Variants in NID2 observed in about 807,000 individuals in gnomAD.
NID2 encodes the protein nidogen 2, also known as nidogen-2.
Under a neutral mutation model 145.4 loss-of-function variants are expected in NID2, and 83 were observed. The observed-to-expected ratio is 0.57, with a 90% confidence interval of 0.48 to 0.69. NID2 has a LOEUF of 0.69. NID2 is among the 30% of genes least tolerant of loss of function. The pLI is 0.00. For missense variants in NID2, 1,807 were observed against 1,765.7 expected, an observed-to-expected ratio of 1.02 and a Z score of -0.42; for synonymous variants, 739 against 701.3, an observed-to-expected ratio of 1.05 and a Z score of -0.85.
At chr14:52,020,834 A>G (rs1243190690) in intron 12 of NID2, among the ~76,000 whole-genome samples, 3 of 152,188 alleles carry the variant, frequency 2.0e-5, no homozygotes, top group Non-Finnish European at 2.9e-5. Context: ...TTTGCCAGGC[A>G]TATCAGTACA....
At position 52,054,103 on chromosome 14, in the gene NID2, G is replaced by C. The variant is rs771135026; in HGVS notation, c.986C>G (p.Pro329Arg). ...ATTCAATGCCTCCTCTGGTTCACCCGGAAGGTATTCAGCTTCCTCCTCATT... is the reference window on the plus strand; with the variant it reads ...ATTCAATGCCTCCTCTGGTTCACCCCGAAGGTATTCAGCTTCCTCCTCATT... Reference protein sequence around the residue: ...DVNEEEAEYLPGEPEEALNGH... With the variant: ...DVNEEEAEYLRGEPEEALNGH... The change falls in exon 4 of 22, where the codon CCG (proline) becomes CGG (arginine). Residue 329 changes from proline to arginine, a missense_variant. Physicochemically the swap from Pro to Arg is moderately radical, Grantham distance 103. Coordinates refer to ENST00000216286, the MANE Select transcript of NID2 (RefSeq NM_007361.4). 3 of 1,614,148 alleles carry C rather than the reference G, an allele frequency of 1.9e-6. No homozygotes were observed. Among genetic ancestry groups the C allele is most frequent in the Non-Finnish European group, 2.5e-6 (3 of 1,180,024 alleles).
chr14:52,063,833 T>C (rs1351946507), intron 2 of NID2, among the ~76,000 whole-genome samples: 1 of 152,136 alleles, frequency 6.6e-6, no homozygotes, highest in Admixed American at 6.5e-5. Flanking sequence ...TGGGGGACTG[T>C]CCCTCATTTA....
At chr14:52,025,769 G>T (rs1480177906) in intron 12 of NID2, among the ~76,000 whole-genome samples, 16 of 152,126 alleles carry the variant, frequency 1.1e-4, no homozygotes, top group Non-Finnish European at 2.9e-5. Flanking sequence ...ATTGATAGGG[G>T]CAGAGCTCTC....
intron 9 of NID2, among the ~76,000 whole-genome samples, chr14:52,033,330 A>G (rs184215154): frequency 7.2e-5 from 11 of 152,286 alleles, no homozygotes; most frequent in Non-Finnish European, 1.2e-4. Flanking sequence ...TCAACTCGCC[A>G]AAAGGACCCG....
chr14:52,028,847 T>A lies in NID2; in HGVS notation c.2405A>T (p.Glu802Val), dbSNP rs199498432. Residue 802 changes from glutamate (E) to valine (V), a missense_variant, in exon 11 of 22, where the codon GAA becomes GTA. By Grantham distance (121) the Glu-to-Val change is moderately radical. Transcript: ENST00000216286. ...YQGDGRNCVD[E>V]NECATGFHRC... Reference sequence around the variant, plus strand: ...ATGAAAGCCAGTTGCACATTCATTTTCATCTAAGAAGAAATGAGAAGAGAA... The same window carrying A: ...ATGAAAGCCAGTTGCACATTCATTTACATCTAAGAAGAAATGAGAAGAGAA... 92 of 1,613,156 alleles carry A rather than the reference T, an allele frequency of 5.7e-5. No individual in the cohort carries two copies. The highest frequency in any genetic ancestry group is 7.1e-5 in the Non-Finnish European group (84 of 1,179,730).
At position 52,020,057 on chromosome 14, in the gene NID2, A is replaced by G. The variant is rs565564679; in HGVS notation, c.2794+2T>C. 6.2e-7 allele frequency: 1 copy of G among 1,613,856 alleles called. No individual in the cohort carries two copies. Among genetic ancestry groups the G allele is most frequent in the Admixed American group, 1.7e-5 (1 of 60,020 alleles). On this transcript the variant is annotated splice_donor_variant, in intron 13 of 21. Transcript: ENST00000216286. LOFTEE classifies it high-confidence loss of function. ...TGCCTAATCTGGCCCTCTGAAACTT[A>G]CCAGGTATGCACTGAAATCCATCCC...
At chr14:52,049,827 TGAAG>T (rs1892629530) in intron 5 of NID2, among the ~76,000 whole-genome samples, 1 of 152,010 alleles carries the variant, frequency 6.6e-6, no homozygotes, top group Admixed American at 6.5e-5. Flanking sequence ...CCACTTCTGG[TGAAG>T]GGAGAGGGGC....
chr14:52,019,311 A>C lies in NID2; in HGVS notation c.2795-17T>G. ...AGGTGGAGTCTTCCAGGATCAAGGC[A>C]GAGGAAGACACAAAAGAGAAATAGA... On this transcript the variant is annotated splice_polypyrimidine_tract_variant and intron_variant, in intron 13 of 21. Transcript: ENST00000216286. The C allele has an allele frequency of 6.5e-7, 1 of 1,550,110 alleles. No homozygotes were observed. The highest frequency in any genetic ancestry group is 8.8e-7 in the Non-Finnish European group (1 of 1,139,538).
At chr14:52,048,319 G>A (rs1892575296) in intron 5 of NID2, among the ~76,000 whole-genome samples, 1 of 152,202 alleles carries the variant, frequency 6.6e-6, no homozygotes, top group African/African-American at 2.4e-5. Context: ...GGGAGACCTG[G>A]AGCTAGAACG....
At chr14:52,025,893 T>C (rs1386943700) in intron 12 of NID2, among the ~76,000 whole-genome samples, 2 of 152,164 alleles carry the variant, frequency 1.3e-5, no homozygotes, top group Admixed American at 1.3e-4. Flanking sequence ...CAACTTTCAA[T>C]ACCACCACCA....
chr14:52,039,768 T>C (rs10139288), intron 8 of NID2, among the ~76,000 whole-genome samples: 123,054 of 152,230 alleles, frequency 0.81, 49,915 homozygotes, highest in South Asian at 0.89. Flanking sequence ...CACACATTGA[T>C]CACATAATAT....
intron 3 of NID2, among the ~76,000 whole-genome samples, chr14:52,058,541 G>C (rs1444027085): frequency 1.3e-5 from 2 of 152,270 alleles, no homozygotes; most frequent in African/African-American, 2.4e-5. Flanking sequence ...GGCATGAAAG[G>C]GGGTAAGTGG....
chr14:52,008,217 T>C (rs1329960669), intron 18 of NID2: 1 of 352,992 alleles, frequency 2.8e-6, no homozygotes, highest in Non-Finnish European at 5.1e-6. Flanking sequence ...TTGCTCCCTT[T>C]GAGGGAAGCT....
Position 52,040,740 on chromosome 14 carries a change from G to C in NID2, c.1937C>G (p.Thr646Ser), listed in dbSNP as rs1018332341. 1.2e-6 allele frequency: 2 copies of C among 1,614,174 alleles called. No homozygotes were observed. Among genetic ancestry groups the C allele is most frequent in the Non-Finnish European group, 1.7e-6 (2 of 1,180,016 alleles). Residue 646 changes from threonine (T) to serine (S), a missense_variant, in exon 8 of 22, where the codon ACC becomes AGC. Coordinates refer to ENST00000216286, the MANE Select transcript of NID2 (RefSeq NM_007361.4). ...GTAAGGCACCTGGCCTTGAATGTTG[G>C]TCTTAATGCTCAGGTAGTTCTCTGG... ...LDPENYLSIK[T>S]NIQGQVPYVS...
intron 9 of NID2, among the ~76,000 whole-genome samples, chr14:52,030,787 C>T (rs1336516283): frequency 6.6e-6 from 1 of 152,090 alleles, no homozygotes; most frequent in Admixed American, 6.6e-5. Flanking sequence ...GGAGCTTAAG[C>T]TTGCAGTGAG....
chr14:52,005,899 A>AAG, intron 20 of NID2, 50 bp from the exon 21 acceptor site: 1 of 1,363,258 alleles, frequency 7.3e-7, no homozygotes, highest in East Asian at 2.4e-5. Context: ...TTACTAGATA[A>AAG]AGAAGTCAGT....
intron 12 of NID2, among the ~76,000 whole-genome samples, chr14:52,023,062 A>T (rs897582793): frequency 1.6e-4 from 25 of 152,192 alleles, no homozygotes; most frequent in African/African-American, 6.0e-4. Context: ...TTCAAGCTTC[A>T]TCCTTGCCTC....
intron 9 of NID2, among the ~76,000 whole-genome samples, chr14:52,035,269 T>A (rs1470156333): frequency 6.6e-6 from 1 of 152,202 alleles, no homozygotes; most frequent in Non-Finnish European, 1.5e-5. Context: ...CACCTATGCA[T>A]CCTTCTCCTT....
rs1424686552 is a variant in NID2 at position 52,030,577 on chromosome 14, GGA to G, written c.2258-889_2258-888del. The stretch of plus-strand genomic sequence containing the variant: ...GAAAGAAAGAAAGAAAGGAAGGAAG[GGA>G]AAGAAAGAAAGAAAGAAAGAAAGAA... On this transcript the variant is annotated intron_variant, in intron 9 of 21. Transcript: ENST00000216286. Among the ~76,000 whole-genome samples the G allele has an allele frequency of 4.3e-4, 40 of 92,916 alleles. 1 individual carries two copies. The highest frequency in any genetic ancestry group is 2.9e-3 in the South Asian group (7 of 2,376). The allele number at this position is 92,916 out of a possible 152,430, so 61.0% of individuals were successfully genotyped here. A position where few individuals can be genotyped will look rare whatever the true frequency, so the allele number is the denominator to read the frequency against.
Sources: allele counts gnomAD v4.1 joint callset (sites outside exome capture counted in the v4.1 genomes callset), GRCh38; gene constraint gnomAD v4.1.1; transcripts MANE v1.5; gene names NCBI Gene and HGNC (gene_info 2026-07-23, HGNC 2026-07-21).